The following ABCA4 variants were observed in gnomAD, a reference collection of about 807,000 sequenced individuals.
ABCA4 encodes the protein retinal-specific phospholipid-transporting ATPase ABCA4.
Under a neutral mutation model 263.7 loss-of-function variants are expected in ABCA4, and 196 were observed. That is an observed-to-expected ratio of 0.74 (90% CI 0.66 to 0.84). The LOEUF (loss-of-function observed/expected upper bound fraction) is 0.84, where lower values mean the gene tolerates loss of function less well. Among genes scored for constraint, ABCA4 ranks in the 40% least tolerant of loss-of-function variants. The pLI is 0.00. For missense variants in ABCA4, 2,792 were observed against 2,855.1 expected, an observed-to-expected ratio of 0.98 and a Z score of 0.50; for synonymous variants, 1,133 against 1,094.2, an observed-to-expected ratio of 1.04 and a Z score of -0.70.
chr1:94,007,038 C>G (rs1196592862), intron 43 of ABCA4, among the ~76,000 whole-genome samples: 1 of 152,218 alleles, frequency 6.6e-6, no homozygotes, highest in Non-Finnish European at 1.5e-5. Context: ...AGGGCACACG[C>G]CAGTTTTCCC....
At chr1:94,028,920 A>AG in intron 30 of ABCA4, among the ~76,000 whole-genome samples, 1 of 149,520 alleles carries the variant, frequency 6.7e-6, no homozygotes, top group African/African-American at 2.5e-5. Context: ...AAAAAAAAAA[A>AG]AAAAAAAAAA....
At chr1:94,091,986 T>C (rs1430200653) in intron 6 of ABCA4, among the ~76,000 whole-genome samples, 1 of 152,248 alleles carries the variant, frequency 6.6e-6, no homozygotes, top group Non-Finnish European at 1.5e-5. Flanking sequence ...AAAAGTCTTG[T>C]TGGCATAGTA....
chr1:94,034,308 CTCT>C (rs1473469858), intron 26 of ABCA4, among the ~76,000 whole-genome samples: 2 of 152,160 alleles, frequency 1.3e-5, no homozygotes, highest in Admixed American at 6.5e-5. Context: ...TTTTCTTCTT[CTCT>C]TCTTCTCTCT....
In ABCA4 at chr1:94,055,277, C is replaced by T; in HGVS notation, c.2421G>A (p.Glu807=). 6.2e-7 allele frequency: 1 copy of T among 1,614,170 alleles called. No homozygotes were observed. Among genetic ancestry groups the T allele is most frequent in the South Asian group, 1.1e-5 (1 of 91,076 alleles). The change falls in exon 16 of 50, where the codon GAG becomes GAA. Residue 807 remains glutamate (E), a synonymous_variant. Coordinates refer to ENST00000370225, the MANE Select transcript of ABCA4 (RefSeq NM_000350.3). The part of the protein sequence containing the change: ...LSPVAFGFGT[E]YLVRFEEQGL... ...CTTGCTCTTCAAAGCGAACCAGGTA[C>T]TCAGTGCCAAATCCAAATGCCACCG... is the stretch of plus-strand genomic sequence containing the variant.
chr1:94,030,728 C>T (rs1382224397), intron 28 of ABCA4, among the ~76,000 whole-genome samples: 2 of 152,188 alleles, frequency 1.3e-5, no homozygotes, highest in African/African-American at 4.8e-5. Context: ...ACCTATGCCT[C>T]AAAAAGATGG....
At chr1:94,061,232 G>A (rs938075407) in intron 13 of ABCA4, among the ~76,000 whole-genome samples, 1 of 152,174 alleles carries the variant, frequency 6.6e-6, no homozygotes, top group African/African-American at 2.4e-5. Flanking sequence ...GCCCTGGAAG[G>A]TCAAACCCTA....
At chr1:94,009,217 C>T (rs1659481629) in intron 40 of ABCA4, among the ~76,000 whole-genome samples, 1 of 152,102 alleles carries the variant, frequency 6.6e-6, no homozygotes, top group Admixed American at 6.5e-5. Context: ...CAGCACAGTG[C>T]CTGGCACAGA....
At chr1:94,044,797 T>C (rs903918048) in intron 19 of ABCA4, 53 bp from the exon 20 acceptor site, 2 of 1,613,686 alleles carry the variant, frequency 1.2e-6, no homozygotes, top group Non-Finnish European at 1.7e-6. Context: ...CAACATGCCT[T>C]AGGAGGGCCA....
chr1:94,063,880 G>C (rs1261680013), intron 11 of ABCA4, among the ~76,000 whole-genome samples: 1 of 151,996 alleles, frequency 6.6e-6, no homozygotes, highest in Non-Finnish European at 1.5e-5. Context: ...TCTGTGACAA[G>C]TAATGCTGGG....
chr1:94,023,177 CT>C (rs903490875), intron 32 of ABCA4, among the ~76,000 whole-genome samples: 2 of 152,180 alleles, frequency 1.3e-5, no homozygotes, highest in Non-Finnish European at 2.9e-5. Context: ...GCCACCCCCA[CT>C]TATGTCCTCC....
chr1:94,029,460 GC>G lies in ABCA4; in HGVS notation c.4523del (p.Gly1508AlafsTer18). The G allele has an allele frequency of 6.4e-7, 1 of 1,556,982 alleles. No homozygotes were observed. ...MLPECPEGAGGLPPPQRTQRS... is the reference protein window; with the variant it reads ...MLPECPEGAGXLPPPQRTQRS... ...GGTCAGGTACCTGGGGGGGCGGGAG[GC>G]CCCCGGCACCCTCGGGGCACTCTGG... On this transcript the variant is annotated frameshift_variant, in exon 30 of 50. Coordinates refer to ENST00000370225, the MANE Select transcript of ABCA4 (RefSeq NM_000350.3). LOFTEE classifies it high-confidence loss of function.
chr1:94,017,554 C>T (rs1659774447), intron 36 of ABCA4, among the ~76,000 whole-genome samples: 1 of 152,134 alleles, frequency 6.6e-6, no homozygotes, highest in Non-Finnish European at 1.5e-5. Context: ...GAGCTAGATC[C>T]TTTTTTCTGA....
chr1:94,057,327 T>C (rs1661010911), intron 14 of ABCA4, among the ~76,000 whole-genome samples: 1 of 152,340 alleles, frequency 6.6e-6, no homozygotes, highest in African/African-American at 2.4e-5. Context: ...TAGTATTTAT[T>C]ATGTGTTAAG....
intron 36 of ABCA4, among the ~76,000 whole-genome samples, chr1:94,018,218 C>CAGA (rs1659790905): frequency 6.6e-6 from 1 of 152,216 alleles, no homozygotes; most frequent in Non-Finnish European, 1.5e-5. Context: ...TACACACACA[C>CAGA]AGAAACACGT....
In ABCA4 at chr1:94,108,562, T is replaced by C. The variant is rs1408002198; in HGVS notation, c.442+15A>G. 6.2e-7 allele frequency: 1 copy of C among 1,613,284 alleles called. No individual in the cohort carries two copies. Among genetic ancestry groups the C allele is most frequent in the South Asian group, 1.1e-5 (1 of 91,056 alleles). ...TGAGGGAAATGATGCTTGAGAGCAC[T>C]GCAGTCATGCTTACCTGCAATTCTC... On this transcript the variant is annotated intron_variant, in intron 4 of 49. Transcript: ENST00000370225.
chr1:94,046,455 C>CAAAAA (rs61333901), intron 19 of ABCA4, among the ~76,000 whole-genome samples: 3,132 of 41,956 alleles, frequency 0.075, 314 homozygotes, highest in East Asian at 0.39. Flanking sequence ...GTTACTATCT[C>CAAAAA]AAAAAAAAAA....
intron 19 of ABCA4, chr1:94,045,782 A>C: frequency 2.2e-6 from 1 of 456,282 alleles, no homozygotes. Context: ...ACATTCCATC[A>C]CAGGGTGTAC....
intron 30 of ABCA4, among the ~76,000 whole-genome samples, chr1:94,027,506 C>T (rs947632541): frequency 6.6e-6 from 1 of 152,178 alleles, no homozygotes; most frequent in Non-Finnish European, 1.5e-5. Flanking sequence ...AGGACTGAGA[C>T]AAGTTCCTTG....
chr1:94,093,106 C>T (rs888802961), intron 6 of ABCA4, among the ~76,000 whole-genome samples: 4 of 152,216 alleles, frequency 2.6e-5, no homozygotes, highest in East Asian at 1.9e-4. Context: ...GTGGTCCTCA[C>T]GCCATTGGAT....
Sources: gnomAD v4.1 joint callset for allele counts (sites outside exome capture counted in the v4.1 genomes callset) on GRCh38, gnomAD v4.1.1 for gene constraint, MANE v1.5 for transcripts, NCBI Gene and HGNC (gene_info 2026-07-23, HGNC 2026-07-21) for gene names.